The following NPAS3 variants were observed in gnomAD, a reference collection of about 807,000 sequenced individuals.
The protein encoded by NPAS3 is neuronal PAS domain-containing protein 3.
NPAS3 carries 14 observed loss-of-function variants against 73.1 expected under a neutral mutation model. The observed-to-expected ratio is 0.19, with a 90% confidence interval of 0.13 to 0.30. The LOEUF is 0.30. NPAS3 is among the 10% of genes least tolerant of loss of function. The probability of loss-of-function intolerance (pLI) is 1.00; values close to 1 mark genes in which losing one functional copy is unlikely to be tolerated. For synonymous variants in NPAS3, 620 were observed against 541.5 expected, an observed-to-expected ratio of 1.14 and a Z score of -2.01; for missense variants, 1,096 against 1,250.0, an observed-to-expected ratio of 0.88 and a Z score of 1.86.
rs1467620828 is a variant in NPAS3, at chr14:33,800,722, G to A, written c.2415G>A (p.Leu805=). Residue 805 remains leucine (L), a synonymous_variant, in exon 12 of 12, where the codon CTG becomes CTA. Transcript: ENST00000356141. The surrounding 1 kb of genome is among the most constrained non-coding windows in gnomAD (Gnocchi z 6.5). ...AGGCGGGCAACGTCGTGCTCCCGCT[G>A]GTGCACAGGGTGACCGGGACCCTGG... 3 of 1,551,760 alleles carry A rather than the reference G, an allele frequency of 1.9e-6. No homozygotes were observed. The highest frequency in any genetic ancestry group is 2.6e-6 in the Non-Finnish European group (3 of 1,150,376).
chr14:33,444,111 G>A (rs573446879), intron 4 of NPAS3, among the ~76,000 whole-genome samples: 5 of 152,234 alleles, frequency 3.3e-5, no homozygotes, highest in Non-Finnish European at 7.4e-5. Flanking sequence ...AGAGACATTC[G>A]ATTTAGAATC....
chr14:33,747,695 A>G (rs143169036), intron 7 of NPAS3, among the ~76,000 whole-genome samples: 20 of 152,332 alleles, frequency 1.3e-4, no homozygotes, highest in African/African-American at 4.3e-4. Context: ...CATGTTGGAA[A>G]CATCACCTTT....
intron 4 of NPAS3, among the ~76,000 whole-genome samples, chr14:33,402,905 G>C (rs2047506728): frequency 6.6e-6 from 1 of 152,120 alleles, no homozygotes; most frequent in African/African-American, 2.4e-5. Flanking sequence ...GAATGATCAA[G>C]TTCCAGCAGA....
intron 2 of NPAS3, among the ~76,000 whole-genome samples, chr14:33,085,701 A>C (rs1250014234): frequency 6.6e-6 from 1 of 152,174 alleles, no homozygotes; most frequent in Non-Finnish European, 1.5e-5. Flanking sequence ...GTGAAAAGAC[A>C]TTTTATGTTG....
chr14:33,126,228 T>G (rs1275882912), intron 2 of NPAS3, among the ~76,000 whole-genome samples: 2 of 152,178 alleles, frequency 1.3e-5, no homozygotes, highest in African/African-American at 4.8e-5. Context: ...ACTACTTATC[T>G]ACTTGCAAGT....
intron 2 of NPAS3, among the ~76,000 whole-genome samples, chr14:33,060,755 A>G (rs2041069247): frequency 6.6e-6 from 1 of 152,188 alleles, no homozygotes; most frequent in East Asian, 1.9e-4. Context: ...TGATGGTGTT[A>G]CTGTTCTCAG....
intron 7 of NPAS3, among the ~76,000 whole-genome samples, chr14:33,760,185 TG>T (rs1345539894): frequency 6.6e-6 from 1 of 152,154 alleles, no homozygotes; most frequent in East Asian, 1.9e-4. Flanking sequence ...CATCAACAAG[TG>T]CTGTCAAGTC....
intron 1 of NPAS3, among the ~76,000 whole-genome samples, chr14:32,960,543 G>A (rs1004238157): frequency 1.3e-5 from 2 of 152,152 alleles, no homozygotes; most frequent in African/African-American, 4.8e-5. Flanking sequence ...AGGGAAGGGT[G>A]AGCAGCTATT....
chr14:33,395,405 A>G lies in NPAS3; in HGVS notation c.468+28137A>G, dbSNP rs2383467. ...AAGATTATTACTACATCATAGTTCA[A>G]GTTTTTTTTTTACCTTGGTAAATAA... On this transcript the variant is annotated intron_variant, in intron 4 of 11. Coordinates refer to ENST00000356141, the Ensembl canonical transcript of NPAS3. Among the ~76,000 whole-genome samples, 5 of 90,314 alleles carry G rather than the reference A, an allele frequency of 5.5e-5. No homozygotes were observed. The East Asian group carries it at 1.2e-3, about 21-fold the overall frequency. 59.2% of individuals were successfully genotyped at this position (90,314 alleles called of 152,430 possible). A position where few individuals can be genotyped will look rare whatever the true frequency, so the allele number is the denominator to read the frequency against.
chr14:33,077,437 A>G (rs2138691644), intron 2 of NPAS3, among the ~76,000 whole-genome samples: 1 of 152,260 alleles, frequency 6.6e-6, no homozygotes, highest in Admixed American at 6.5e-5. Context: ...AATGCCTTAT[A>G]TTCTATTTTA....
At chr14:33,185,210 A>G (rs2045938008) in intron 2 of NPAS3, among the ~76,000 whole-genome samples, 1 of 152,206 alleles carries the variant, frequency 6.6e-6, no homozygotes, top group Admixed American at 6.5e-5. Flanking sequence ...AGAATACAGA[A>G]AAAAATGTAA....
At chr14:33,779,979 CCTTTG>C in intron 9 of NPAS3, among the ~76,000 whole-genome samples, 1 of 152,318 alleles carries the variant, frequency 6.6e-6, no homozygotes, top group South Asian at 2.1e-4. Flanking sequence ...TCTTTCCTGC[CCTTTG>C]CAATTATTTC....
intron 2 of NPAS3, among the ~76,000 whole-genome samples, chr14:33,111,558 G>T (rs1337085255): frequency 6.6e-6 from 1 of 151,854 alleles, no homozygotes; most frequent in Non-Finnish European, 1.5e-5. Flanking sequence ...TTAATGTGCA[G>T]GTTTCCCAAA....
At chr14:32,986,776 G>A (rs1217792921) in intron 1 of NPAS3, among the ~76,000 whole-genome samples, 3 of 152,250 alleles carry the variant, frequency 2.0e-5, no homozygotes, top group Non-Finnish European at 2.9e-5. Flanking sequence ...GAGCTGGGCT[G>A]TGGGAATGCA....
intron 1 of NPAS3, among the ~76,000 whole-genome samples, chr14:32,991,009 A>C (rs2038312369): frequency 6.6e-6 from 1 of 152,120 alleles, no homozygotes; most frequent in Non-Finnish European, 1.5e-5. Context: ...GAAGTGTATT[A>C]CTGGAGGCTT....
At chr14:33,270,695 C>A (rs1300521538) in intron 3 of NPAS3, among the ~76,000 whole-genome samples, 2 of 152,140 alleles carry the variant, frequency 1.3e-5, no homozygotes, top group African/African-American at 4.8e-5. Context: ...TAAAGAACAG[C>A]TTTGGTTTTC....
chr14:33,502,329 G>A (rs2052557567), intron 4 of NPAS3, among the ~76,000 whole-genome samples: 1 of 151,316 alleles, frequency 6.6e-6, no homozygotes, highest in Non-Finnish European at 1.5e-5. Context: ...TCCCAGTGGA[G>A]AAGGATCCTT....
chr14:33,097,397 C>G, intron 2 of NPAS3, among the ~76,000 whole-genome samples: 1 of 152,206 alleles, frequency 6.6e-6, no homozygotes, highest in African/African-American at 2.4e-5. Flanking sequence ...TCAGTCTCAT[C>G]ACTGCATAGT....
chr14:33,330,266 C>G (rs1479214188), intron 3 of NPAS3, among the ~76,000 whole-genome samples: 1 of 152,122 alleles, frequency 6.6e-6, no homozygotes, highest in Admixed American at 6.5e-5. Flanking sequence ...ACAATAACAA[C>G]AACAACAAAA....
Sources: allele counts gnomAD v4.1 joint callset (sites outside exome capture counted in the v4.1 genomes callset), GRCh38; gene constraint gnomAD v4.1.1; non-coding constraint Gnocchi (gnomAD v3.1); transcripts MANE v1.5; gene names NCBI Gene and HGNC (gene_info 2026-07-23, HGNC 2026-07-21).